The following MPND variants were observed in gnomAD, a reference collection of about 807,000 sequenced individuals.
MPND encodes the protein MPN domain-containing protein.
In MPND, 56 loss-of-function variants were observed where a neutral mutation model predicts 59.2. That is an observed-to-expected ratio of 0.95 (90% CI 0.76 to 1.18). The LOEUF (loss-of-function observed/expected upper bound fraction) is 1.18, where lower values mean the gene tolerates loss of function less well. Ranked by LOEUF, MPND falls within the 50% of genes most tolerant of loss-of-function variation. The probability of loss-of-function intolerance (pLI) is 0.00; values close to 1 mark genes in which losing one functional copy is unlikely to be tolerated. For missense variants in MPND, 671 were observed against 676.0 expected (o/e 0.99, Z 0.08); for synonymous variants, 323 against 291.9 (o/e 1.11, Z -1.09).
In MPND at chr19:4,343,739, G is replaced by A. The variant is rs1972121153; in HGVS notation, c.39G>A (p.Ala13=). 1 of 1,207,220 alleles carries A rather than the reference G, an allele frequency of 8.3e-7. No individual in the cohort carries two copies. The highest frequency in any genetic ancestry group is 4.4e-5 in the Admixed American group (1 of 22,672). 74.8% of individuals were successfully genotyped at this position (1,207,220 alleles called of 1,614,324 possible). Residue 13 remains alanine (A), a synonymous_variant, in exon 2 of 13, where the codon GCG becomes GCA. Coordinates refer to ENST00000599840, the MANE Select transcript of MPND (RefSeq NM_001300862.2). ...APEPLSPAGG[A]GEEAPEEDED... is the part of the protein sequence containing the mutation. ...AGCCGCTGTCCCCGGCGGGCGGTGC[G>A]GGCGAGGAGGCGCCGGAGGAGGACG...
chr19:4,352,224 C>T (rs1972334959), intron 3 of MPND, among the ~76,000 whole-genome samples: 1 of 151,970 alleles, frequency 6.6e-6, no homozygotes, highest in South Asian at 2.1e-4. Context: ...AGTTTAAACC[C>T]ATTTATGCCT....
rs1427025600 is a variant in MPND, at chr19:4,357,165, C to G, written c.997-88C>G. On this transcript the variant is annotated intron_variant, in intron 8 of 12. Coordinates refer to ENST00000599840, the MANE Select transcript of MPND (RefSeq NM_001300862.2). ...CTGTGTCCCCAGGCCTGATACACAG[C>G]AGGAATTCGTTCAGGGCTGGCCAGC... is the stretch of plus-strand genomic sequence containing the variant. 3 of 1,414,510 alleles carry G rather than the reference C, an allele frequency of 2.1e-6. No individual in the cohort carries two copies. The Admixed American group carries it at 7.3e-5, about 34-fold the overall frequency. 87.6% of individuals were successfully genotyped at this position (1,414,510 alleles called of 1,614,324 possible).
chr19:4,354,029 C>G lies in MPND; in HGVS notation c.665-16C>G. The G allele has an allele frequency of 6.2e-7, 1 of 1,608,668 alleles. No individual in the cohort carries two copies. The highest frequency in any genetic ancestry group is 8.5e-7 in the Non-Finnish European group (1 of 1,175,658). On this transcript the variant is annotated splice_polypyrimidine_tract_variant and intron_variant, in intron 4 of 12. Transcript: ENST00000599840. ...TTGGGCTGGGGAGGGACTGACCCTG[C>G]CTTTTTCTCTCCCAGAGGCCACAAC...
intron 3 of MPND, among the ~76,000 whole-genome samples, chr19:4,349,694 A>G (rs1216119806): frequency 6.6e-6 from 1 of 151,976 alleles, no homozygotes; most frequent in Admixed American, 6.6e-5. Flanking sequence ...TATTTTTAGT[A>G]GAGATGGGGT....
Position 4,358,213 on chromosome 19 carries a change from C to T in MPND, c.1326+41C>T, listed in dbSNP as rs753794854. 1.7e-5 allele frequency: 25 copies of T among 1,503,146 alleles called. 1 individual carries two copies. Among genetic ancestry groups the T allele is most frequent in the Admixed American group, 5.9e-5 (3 of 50,876 alleles). The allele number at this position is 1,503,146 out of a possible 1,614,324, so 93.1% of individuals were successfully genotyped here. ...GGCGGGCAGGCAGGGGCTGGCAGTG[C>T]GCAGCTGGGCACACGATGCGTTGGT... On this transcript the variant is annotated intron_variant, in intron 11 of 12. Coordinates refer to ENST00000599840, the MANE Select transcript of MPND (RefSeq NM_001300862.2).
rs565326778 is a variant in MPND at position 4,360,066 on chromosome 19, A to T, written c.*64A>T. 129 of 1,430,768 alleles carry T rather than the reference A, an allele frequency of 9.0e-5. No individual in the cohort carries two copies. Among genetic ancestry groups the T allele is most frequent in the Admixed American group, 2.7e-4 (13 of 48,492 alleles). 88.6% of individuals were successfully genotyped at this position (1,430,768 alleles called of 1,614,324 possible). A position where few individuals can be genotyped will look rare whatever the true frequency, so the allele number is the denominator to read the frequency against. ...TCCGGATGGGCTCAGGTAATAAAGA[A>T]ACGGAAGCAGCAGCCAGCCACGCTG... On this transcript the variant is annotated 3_prime_UTR_variant, in exon 13 of 13. Coordinates refer to ENST00000599840, the MANE Select transcript of MPND (RefSeq NM_001300862.2).
chr19:4,359,461 T>C (rs964667533), intron 12 of MPND, among the ~76,000 whole-genome samples: 2 of 152,142 alleles, frequency 1.3e-5, no homozygotes, highest in African/African-American at 4.8e-5. Context: ...GCTCCGGCAG[T>C]GCCGGATGAG....
At chr19:4,359,010 C>CCT (rs2144843253) in intron 11 of MPND, among the ~76,000 whole-genome samples, 153 bp from the exon 12 acceptor site, 1 of 152,154 alleles carries the variant, frequency 6.6e-6, no homozygotes, top group South Asian at 2.1e-4. Flanking sequence ...CTAGGTGAGC[C>CCT]CTCTGGCTAA....
intron 4 of MPND, among the ~76,000 whole-genome samples, chr19:4,353,403 G>T (rs527820448): frequency 6.3e-4 from 96 of 152,174 alleles, no homozygotes; most frequent in African/African-American, 2.2e-3. Flanking sequence ...AAATAGCTGG[G>T]ACTATAGGCG....
In MPND at chr19:4,352,336, C is replaced by T. The variant is rs142763003; in HGVS notation, c.532-561C>T. Among the ~76,000 whole-genome samples the T allele has an allele frequency of 3.9e-3, 586 of 152,192 alleles. 2 individuals are homozygous for T. The highest frequency in any genetic ancestry group is 0.014 in the African/African-American group (572 of 41,516). On this transcript the variant is annotated intron_variant, in intron 3 of 12. Transcript: ENST00000599840. Reference sequence around the variant, plus strand: ...ATGCTTAGCGTTCCAATAATGGAACCCTAGGCATAAATGGCAATGGTGCTC... The same window carrying T: ...ATGCTTAGCGTTCCAATAATGGAACTCTAGGCATAAATGGCAATGGTGCTC...
chr19:4,345,902 A>C lies in MPND; in HGVS notation c.452A>C (p.Lys151Thr), dbSNP rs1972175901. The change falls in exon 3 of 13, where the codon AAA becomes ACA. Residue 151 changes from lysine (K) to threonine (T), a missense_variant. Physicochemically the swap from Lys to Thr is moderately conservative, Grantham distance 78. Transcript: ENST00000599840. ...TGTGGCTGGGCCTCTGTCAAGTACA[A>C]AGGCCAGAAACTGGACAAGTACAAG... ...SGCGWASVKYKGQKLDKYKAT... is the reference protein window; with the variant it reads ...SGCGWASVKYTGQKLDKYKAT... 6.2e-7 allele frequency: 1 copy of C among 1,613,808 alleles called. No homozygotes were observed. The highest frequency in any genetic ancestry group is 1.1e-5 in the South Asian group (1 of 91,092).
intron 6 of MPND, 45 bp from the exon 7 acceptor site, chr19:4,354,904 G>A: frequency 6.5e-7 from 1 of 1,534,126 alleles, no homozygotes. Flanking sequence ...TGTTGGGGCA[G>A]GGCCACAGCC....
In MPND at chr19:4,355,537, G is replaced by A. The variant is rs190144517; in HGVS notation, c.996+364G>A. ...TTTTTAGTAGAGACGGGGTTTCACC[G>A]CGTTAGCCAGGATGGTCTCGATCCC... On this transcript the variant is annotated intron_variant, in intron 8 of 12. Transcript: ENST00000599840. 2.9e-3 allele frequency among the ~76,000 whole-genome samples: 439 copies of A among 152,052 alleles called. 2 individuals are homozygous for A. The highest frequency in any genetic ancestry group is 9.1e-3 in the Admixed American group (139 of 15,256).
At chr19:4,357,136 A>T in intron 8 of MPND, 117 bp from the exon 9 acceptor site, 1 of 1,165,588 alleles carries the variant, frequency 8.6e-7, no homozygotes, top group South Asian at 1.9e-5. Context: ...TGTCTTGGTC[A>T]TCACTGTGTC....
At chr19:4,347,887 G>A in intron 3 of MPND, 1 of 152,838 alleles carries the variant, frequency 6.5e-6, no homozygotes, top group Non-Finnish European at 1.4e-5. Context: ...TCCATATTGT[G>A]TTTTTTTTTG....
chr19:4,358,179 T>C lies in MPND; in HGVS notation c.1326+7T>C. 6.4e-7 allele frequency: 1 copy of C among 1,550,772 alleles called. No individual in the cohort carries two copies. The highest frequency in any genetic ancestry group is 8.7e-7 in the Non-Finnish European group (1 of 1,146,710). On this transcript the variant is annotated splice_region_variant and intron_variant, in intron 11 of 12. Coordinates refer to ENST00000599840, the MANE Select transcript of MPND (RefSeq NM_001300862.2). ...TGACATCCTTCACGAGATGGTGAGC[T>C]CGCTGCGGGGCGGGCAGGCAGGGGC...
At chr19:4,356,016 G>A (rs1972431615) in intron 8 of MPND, among the ~76,000 whole-genome samples, 1 of 151,422 alleles carries the variant, frequency 6.6e-6, no homozygotes, top group East Asian at 2.0e-4. Context: ...ACCATCTCCA[G>A]CTAATTTTTG....
rs770095753 is a variant in MPND at position 4,357,300 on chromosome 19, C to T, written c.1044C>T (p.Tyr348=). The change falls in exon 9 of 13, where the codon TAC becomes TAT. Residue 348 remains tyrosine (Y), a synonymous_variant. Transcript: ENST00000599840. ...GGGGCCTGTCCCTGGTGGGCTGGTA[C>T]CACAGCCACCCACACAGCCCGGCGC... is the stretch of plus-strand genomic sequence containing the variant. ...FLRGLSLVGW[Y]HSHPHSPALP... is the part of the protein sequence containing the mutation. 44 of 1,612,722 alleles carry T rather than the reference C, an allele frequency of 2.7e-5. No individual in the cohort carries two copies. The highest frequency in any genetic ancestry group is 3.6e-5 in the Non-Finnish European group (42 of 1,179,780).
intron 4 of MPND, 118 bp downstream of exon 4, chr19:4,353,147 G>C: frequency 5.0e-6 from 4 of 805,380 alleles, no homozygotes; most frequent in Non-Finnish European, 6.9e-6. Flanking sequence ...GAGACATGGA[G>C]AGTCAGCTGG....
Sources: gnomAD v4.1 joint callset for allele counts (sites outside exome capture counted in the v4.1 genomes callset) on GRCh38, gnomAD v4.1.1 for gene constraint, MANE v1.5 for transcripts, NCBI Gene and HGNC (gene_info 2026-07-23, HGNC 2026-07-21) for gene names.